VPS13B: variants seen among roughly 807,000 people sequenced by gnomAD.
VPS13B encodes the protein vacuolar protein sorting 13 homolog B.
In VPS13B, 285 loss-of-function variants were observed where a neutral mutation model predicts 426.4. The observed-to-expected ratio is 0.67, with a 90% confidence interval of 0.61 to 0.74. The LOEUF (loss-of-function observed/expected upper bound fraction) is 0.74, where lower values mean the gene tolerates loss of function less well. VPS13B is among the 30% of genes least tolerant of loss of function. The probability of loss-of-function intolerance (pLI) is 0.00; values close to 1 mark genes in which losing one functional copy is unlikely to be tolerated. For missense variants in VPS13B, 4,537 were observed against 4,782.6 expected (o/e 0.95, Z 1.51); for synonymous variants, 1,676 against 1,676.4 (o/e 1.00, Z 0.01).
At position 99,303,730 on chromosome 8, in the gene VPS13B, C is replaced by CAAAA. The variant is rs58708195; in HGVS notation, c.2824+28494_2824+28497dup. Among the ~76,000 whole-genome samples the CAAAA allele has an allele frequency of 5.5e-3, 349 of 63,704 alleles. 51 individuals are homozygous for CAAAA. The highest frequency in any genetic ancestry group is 0.023 in the African/African-American group (327 of 14,130). 41.8% of individuals were successfully genotyped at this position (63,704 alleles called of 152,430 possible). On this transcript the variant is annotated intron_variant, in intron 19 of 61. Transcript: ENST00000357162. ...GGTGAGACAGAGTGAGACTCCGTCT[C>CAAAA]AAAAAAAAAAAAAAAAAAAAAGAAT...
Position 99,713,860 on chromosome 8 carries a change from C to T in VPS13B, c.6455-3311C>T, listed in dbSNP as rs1832801480. ...GTTCTCAAAAAATGATTGGCATAGG[C>T]CAGGTGCAGTGGCTCACGCCTGTAA... On this transcript the variant is annotated intron_variant, in intron 36 of 61. Transcript: ENST00000357162. 1.3e-5 allele frequency among the ~76,000 whole-genome samples: 2 copies of T among 152,150 alleles called. 1 individual carries two copies. The highest frequency in any genetic ancestry group is 4.1e-4 in the South Asian group (2 of 4,828).
chr8:99,194,604 T>A (rs953875773), intron 17 of VPS13B, among the ~76,000 whole-genome samples: 1 of 152,226 alleles, frequency 6.6e-6, no homozygotes, highest in Non-Finnish European at 1.5e-5. Flanking sequence ...AATTTCCTTC[T>A]TTATTTAAGG....
intron 25 of VPS13B, among the ~76,000 whole-genome samples, chr8:99,492,936 C>T (rs745796246): frequency 3.2e-4 from 48 of 152,208 alleles, no homozygotes; most frequent in Non-Finnish European, 5.7e-4. Flanking sequence ...CAGAAATCAC[C>T]CATCTTCTGC....
intron 22 of VPS13B, among the ~76,000 whole-genome samples, chr8:99,442,082 A>C (rs1817706704): frequency 6.6e-6 from 1 of 152,264 alleles, no homozygotes; most frequent in East Asian, 1.9e-4. Flanking sequence ...GGTGTTAACA[A>C]AATTTTCTAA....
intron 19 of VPS13B, among the ~76,000 whole-genome samples, chr8:99,339,701 C>T (rs765842752): frequency 2.6e-5 from 4 of 151,718 alleles, no homozygotes; most frequent in Non-Finnish European, 4.4e-5. Flanking sequence ...TAACATTGCA[C>T]AACAAAGTAT....
At chr8:99,526,865 C>T (rs542395193) in intron 30 of VPS13B, among the ~76,000 whole-genome samples, 1 of 151,992 alleles carries the variant, frequency 6.6e-6, no homozygotes, top group African/African-American at 2.4e-5. Context: ...TGGATTTTGA[C>T]TTATGAGGTC....
chr8:99,390,029 T>C (rs757359876), intron 20 of VPS13B, among the ~76,000 whole-genome samples: 1 of 152,190 alleles, frequency 6.6e-6, no homozygotes, highest in Non-Finnish European at 1.5e-5. Flanking sequence ...TTTGACTAAA[T>C]ACCAAATATA....
intron 33 of VPS13B, among the ~76,000 whole-genome samples, chr8:99,595,705 A>G (rs933388756): frequency 6.6e-6 from 1 of 151,580 alleles, no homozygotes; most frequent in African/African-American, 2.4e-5. Context: ...ATCAGAGAAA[A>G]TATTTGCTAA....
Position 99,263,401 on chromosome 8 carries a change from A to G in VPS13B, c.2516-10797A>G, listed in dbSNP as rs150607986. Among the ~76,000 whole-genome samples, 960 of 152,310 alleles carry G rather than the reference A, an allele frequency of 6.3e-3. 8 individuals carry two copies. The highest frequency in any genetic ancestry group is 0.022 in the African/African-American group (901 of 41,566). On this transcript the variant is annotated intron_variant, in intron 17 of 61. Transcript: ENST00000357162. ...TGCTCTAACAAATTACCATAAACTT[A>G]GTCCCTTGAAGCAACACACATTTAT...
intron 11 of VPS13B, 57 bp downstream of exon 11, chr8:99,135,790 A>G (rs1182530398): frequency 4.4e-6 from 7 of 1,604,962 alleles, no homozygotes; most frequent in Non-Finnish European, 6.0e-6. Flanking sequence ...GACACATTGT[A>G]TGAATACTTG....
At chr8:99,576,873 A>C (rs757768349) in intron 32 of VPS13B, among the ~76,000 whole-genome samples, 21 of 152,196 alleles carry the variant, frequency 1.4e-4, no homozygotes, top group Admixed American at 8.5e-4. Context: ...AGTGAAATTA[A>C]TTAGTCTAGC....
chr8:99,763,253 C>T (rs1391827392), intron 39 of VPS13B, among the ~76,000 whole-genome samples: 3 of 148,574 alleles, frequency 2.0e-5, no homozygotes, highest in Non-Finnish European at 3.0e-5. Flanking sequence ...ATACTTTCAA[C>T]TTCTATACTT....
At chr8:99,517,470 A>C (rs1182437156) in intron 29 of VPS13B, among the ~76,000 whole-genome samples, 1 of 152,184 alleles carries the variant, frequency 6.6e-6, no homozygotes, top group African/African-American at 2.4e-5. Flanking sequence ...CGCTACATTA[A>C]TGTAAGACTC....
rs2132515981 is a variant in VPS13B, at chr8:99,121,247, G to C, written c.1008G>C (p.Gln336His). The C allele has an allele frequency of 1.9e-6, 3 of 1,614,064 alleles. No homozygotes were observed. Among genetic ancestry groups the C allele is most frequent in the Non-Finnish European group, 2.5e-6 (3 of 1,179,998 alleles). ...AQHKGQELYS[Q>H]QDEEQPQGWV... ...ATAAAGGTCAAGAGTTATATTCACA[G>C]CAAGATGAGGAGCAGCCACAGGGAT... Residue 336 changes from glutamine (Q) to histidine (H), a missense_variant, in exon 8 of 62, where the codon CAG becomes CAC. Physicochemically the swap from Gln to His is conservative, Grantham distance 24. This residue lies in a region of VPS13B where 4,311 missense variants were observed against 4,474.3 expected (regional missense o/e 0.96). Transcript: ENST00000357162.
intron 17 of VPS13B, among the ~76,000 whole-genome samples, chr8:99,208,466 CAA>C (rs887803390): frequency 2.6e-5 from 4 of 151,794 alleles, no homozygotes; most frequent in African/African-American, 9.7e-5. Context: ...CCATTAATCC[CAA>C]GTTTCTGATT....
At chr8:99,561,175 A>C (rs1247114607) in intron 31 of VPS13B, among the ~76,000 whole-genome samples, 1 of 152,172 alleles carries the variant, frequency 6.6e-6, no homozygotes, top group Admixed American at 6.5e-5. Context: ...CCTGGTAGGC[A>C]GTTTGTCTCT....
At chr8:99,233,369 C>A in intron 17 of VPS13B, 2 of 1,069,522 alleles carry the variant, frequency 1.9e-6, no homozygotes, top group East Asian at 4.7e-5. Flanking sequence ...TTTAGTTTCC[C>A]GAAGATCCGT....
At chr8:99,095,549 T>C (rs1014066687) in intron 3 of VPS13B, among the ~76,000 whole-genome samples, 3 of 152,172 alleles carry the variant, frequency 2.0e-5, no homozygotes, top group African/African-American at 7.2e-5. Context: ...AGTATTGCTT[T>C]TGTAGAATTA....
At position 99,520,807 on chromosome 8, in the gene VPS13B, G is replaced by T. The variant is rs996211195; in HGVS notation, c.4634-92G>T. On this transcript the variant is annotated intron_variant, in intron 29 of 61. Transcript: ENST00000357162. ...TTATTTATTGGTCTTATCTTAATGT[G>T]TCTCTATTCCATTCCCTCAAAGATT... 8 of 942,586 alleles carry T rather than the reference G, an allele frequency of 8.5e-6. No individual in the cohort carries two copies. The Admixed American group carries it at 1.4e-4, about 17-fold the overall frequency. The allele number at this position is 942,586 out of a possible 1,614,324, so 58.4% of individuals were successfully genotyped here.
Sources: gnomAD v4.1 joint callset for allele counts (sites outside exome capture counted in the v4.1 genomes callset) on GRCh38, gnomAD v4.1.1 for gene constraint, gnomAD v4.1.1 regional missense constraint, MANE v1.5 for transcripts, NCBI Gene and HGNC (gene_info 2026-07-23, HGNC 2026-07-21) for gene names.